The following ANKRD26 variants were observed in gnomAD, a reference collection of about 807,000 sequenced individuals.
ANKRD26 encodes ankyrin repeat domain 26, also known as ankyrin repeat domain-containing protein 26.
Under a neutral mutation model 208.7 loss-of-function variants are expected in ANKRD26, and 141 were observed. That is an observed-to-expected ratio of 0.68 (90% CI 0.59 to 0.78). ANKRD26 has a LOEUF of 0.78. Ranked by LOEUF, ANKRD26 falls within the 30% of genes least tolerant of loss-of-function variation. The probability of loss-of-function intolerance (pLI) is 0.00; values close to 1 mark genes in which losing one functional copy is unlikely to be tolerated. For missense variants in ANKRD26, 1,889 were observed against 1,938.7 expected, an observed-to-expected ratio of 0.97 and a Z score of 0.48; for synonymous variants, 636 against 660.4, an observed-to-expected ratio of 0.96 and a Z score of 0.57.
chr10:27,093,431 A>T lies in ANKRD26; in HGVS notation c.449T>A (p.Leu150His). 1 of 1,614,192 alleles carries T rather than the reference A, an allele frequency of 6.2e-7. No individual in the cohort carries two copies. The highest frequency in any genetic ancestry group is 1.6e-4 in the Middle Eastern group (1 of 6,062). ...NLADVHGNTA[L>H]HYAVYNEDIS... The stretch of plus-strand genomic sequence containing the variant: ...GTCCTCATTATAGACAGCATAGTGA[A>T]GAGCAGTGTTGCCATGGACATCCGC... Residue 150 changes from leucine to histidine, a missense_variant, in exon 3 of 34, where the codon CTT (leucine) becomes CAT (histidine). This residue lies in a region of ANKRD26 where 1,272 missense variants were observed against 1,273.8 expected (regional missense o/e 1.00). Coordinates refer to ENST00000376087, the MANE Select transcript of ANKRD26 (RefSeq NM_014915.3).
At chr10:27,021,859 T>G (rs1288110947) in intron 29 of ANKRD26, among the ~76,000 whole-genome samples, 1 of 152,104 alleles carries the variant, frequency 6.6e-6, no homozygotes, top group Admixed American at 6.5e-5. Flanking sequence ...GAGAAATGTC[T>G]ATTCATCTCC....
At position 27,061,559 on chromosome 10, in the gene ANKRD26, A is replaced by ATTT. The variant is rs11399797; in HGVS notation, c.1364-320_1364-318dup. ...TTTGATTAATATCAATGCAACATCTATTTTTTTTTTTTTTTTTTGATACAG... is the reference window on the plus strand; with the variant it reads ...TTTGATTAATATCAATGCAACATCTATTTTTTTTTTTTTTTTTTTTTGATACAG... On this transcript the variant is annotated intron_variant, in intron 12 of 33. Transcript: ENST00000376087. Among the ~76,000 whole-genome samples the ATTT allele has an allele frequency of 4.7e-3, 633 of 134,210 alleles. 15 individuals carry two copies. Among genetic ancestry groups the ATTT allele is most frequent in the African/African-American group, 0.016 (584 of 36,104 alleles). 88.0% of individuals were successfully genotyped at this position (134,210 alleles called of 152,430 possible).
chr10:26,978,684 T>A (rs953028379), intron 5 of ANKRD26, among the ~76,000 whole-genome samples: 4 of 152,122 alleles, frequency 2.6e-5, no homozygotes, highest in African/African-American at 9.7e-5. Flanking sequence ...CACGCCCTGA[T>A]GGAAATGTAA....
chr10:27,058,901 T>C (rs1448458885), intron 15 of ANKRD26, among the ~76,000 whole-genome samples: 1 of 138,300 alleles, frequency 7.2e-6, no homozygotes, highest in Non-Finnish European at 1.6e-5. Flanking sequence ...GTTTTTTTGT[T>C]TGTTTGTTTT....
the ANKRD26 span, among the ~76,000 whole-genome samples, chr10:26,958,192 C>T: frequency 6.6e-6 from 1 of 151,960 alleles, no homozygotes; most frequent in Admixed American, 6.6e-5. Context: ...AAGTGATTCT[C>T]CTGTCTCAGC....
intron 16 of ANKRD26, among the ~76,000 whole-genome samples, chr10:27,050,244 A>AAAG (rs1554782760): frequency 1.9e-4 from 25 of 134,270 alleles, no homozygotes; most frequent in African/African-American, 8.6e-4. Context: ...AAAAAAAAAA[A>AAAG]AAAGAAAGAA....
intron 1 of ANKRD26, among the ~76,000 whole-genome samples, chr10:27,096,589 C>T (rs2056471870): frequency 2.0e-5 from 3 of 151,234 alleles, no homozygotes; most frequent in Admixed American, 2.0e-4. Flanking sequence ...CGTGGTGAAA[C>T]CCCGTCTCTA....
chr10:27,069,935 T>C (rs2055418080), intron 9 of ANKRD26, among the ~76,000 whole-genome samples: 1 of 151,598 alleles, frequency 6.6e-6, no homozygotes, highest in Non-Finnish European at 1.5e-5. Context: ...CTGGATAATA[T>C]AGCGAGACCC....
chr10:27,078,674 C>G (rs1177882033), intron 7 of ANKRD26, among the ~76,000 whole-genome samples: 1 of 152,020 alleles, frequency 6.6e-6, no homozygotes, highest in Non-Finnish European at 1.5e-5. Context: ...TGATCATCTA[C>G]TACTACCTGA....
chr10:27,080,737 A>T (rs1302209324), intron 6 of ANKRD26: 1 of 985,372 alleles, frequency 1.0e-6, no homozygotes, highest in Non-Finnish European at 1.2e-6. Flanking sequence ...ATGGTCTCAA[A>T]TGCCCAAGAG....
chr10:27,049,344 C>T (rs1034338040), intron 16 of ANKRD26, among the ~76,000 whole-genome samples: 2 of 152,176 alleles, frequency 1.3e-5, no homozygotes, highest in Non-Finnish European at 2.9e-5. Flanking sequence ...AAGACAAAGA[C>T]ACAAGATGCA....
intron 32 of ANKRD26, 133 bp downstream of exon 32, chr10:27,012,749 T>G: frequency 1.3e-6 from 1 of 775,962 alleles, no homozygotes; most frequent in East Asian, 2.6e-5. Context: ...GACATAGAGG[T>G]TGCAGTGAGC....
chr10:27,061,861 C>G (rs2055069854), intron 12 of ANKRD26: 1 of 916,552 alleles, frequency 1.1e-6, no homozygotes, highest in African/African-American at 1.8e-5. Flanking sequence ...CAAGATCAGT[C>G]CAAAGCAACA....
At chr10:27,090,447 A>C (rs117431506) in intron 4 of ANKRD26, among the ~76,000 whole-genome samples, 1 of 152,306 alleles carries the variant, frequency 6.6e-6, no homozygotes, top group East Asian at 1.9e-4. Context: ...AGGAACTTTA[A>C]TAAGGTTATG....
At chr10:26,998,974 C>A (rs1159184013) in intron 4 of ANKRD26, among the ~76,000 whole-genome samples, 1 of 152,100 alleles carries the variant, frequency 6.6e-6, no homozygotes, top group Non-Finnish European at 1.5e-5. Context: ...GGGGAGGCAC[C>A]AAGAGGAAGT....
At chr10:26,980,085 A>G (rs765387070) in intron 5 of ANKRD26, among the ~76,000 whole-genome samples, 2 of 152,178 alleles carry the variant, frequency 1.3e-5, no homozygotes, top group Admixed American at 1.3e-4. Context: ...AATAAGCGCC[A>G]TTTTTATTGT....
chr10:27,087,263 C>G (rs1440268928), intron 4 of ANKRD26, among the ~76,000 whole-genome samples: 1 of 151,760 alleles, frequency 6.6e-6, no homozygotes, highest in Non-Finnish European at 1.5e-5. Flanking sequence ...CCCTTAGGCT[C>G]AACATCTTCT....
At chr10:26,957,218 G>A in the ANKRD26 span, among the ~76,000 whole-genome samples, 1 of 152,086 alleles carries the variant, frequency 6.6e-6, no homozygotes, top group Admixed American at 6.6e-5. Flanking sequence ...GACCAGCCTG[G>A]GCAACATGGC....
chr10:27,007,702 A>T, intron 32 of ANKRD26, among the ~76,000 whole-genome samples: 1 of 152,202 alleles, frequency 6.6e-6, no homozygotes, highest in East Asian at 1.9e-4. Context: ...CTTTTAGAGA[A>T]TTAAAATTTT....
Sources: gnomAD v4.1 joint callset for allele counts (sites outside exome capture counted in the v4.1 genomes callset) on GRCh38, gnomAD v4.1.1 for gene constraint, gnomAD v4.1.1 regional missense constraint, MANE v1.5 for transcripts, NCBI Gene and HGNC (gene_info 2026-07-23, HGNC 2026-07-21) for gene names.